Variants in NEK1 observed in about 807,000 individuals in gnomAD.
NEK1 encodes the protein NIMA related kinase 1.
Under a neutral mutation model 182.1 loss-of-function variants are expected in NEK1, and 137 were observed. The observed-to-expected ratio is 0.75, with a 90% CI of 0.65 to 0.87. The LOEUF is 0.87. NEK1 is among the 40% of genes least tolerant of loss of function. NEK1 has a pLI of 0.00. For synonymous variants in NEK1, 513 were observed against 492.2 expected, an observed-to-expected ratio of 1.04 and a Z score of -0.56; for missense variants, 1,391 against 1,494.4, an observed-to-expected ratio of 0.93 and a Z score of 1.14.
At chr4:169,519,643 A>G (rs1304963615) in intron 19 of NEK1, among the ~76,000 whole-genome samples, 2 of 77,362 alleles carry the variant, frequency 2.6e-5, no homozygotes, top group African/African-American at 1.0e-4. Flanking sequence ...AGCGGCTGGT[A>G]CCGGTTGTTC....
intron 5 of NEK1, among the ~76,000 whole-genome samples, chr4:169,593,339 T>A (rs1768856154): frequency 6.6e-6 from 1 of 152,118 alleles, no homozygotes; most frequent in Non-Finnish European, 1.5e-5. Flanking sequence ...CTAATAAAAC[T>A]AACAGAGATA....
chr4:169,588,868 A>G (rs949622796), intron 7 of NEK1, 133 bp from the exon 8 acceptor site: 2 of 641,148 alleles, frequency 3.1e-6, no homozygotes, highest in African/African-American at 1.8e-5. Flanking sequence ...AAAAATTCCT[A>G]TCACCTAGTG....
rs2110899284 is a variant in NEK1, at chr4:169,393,005, T to C, written c.*1505A>G. On this transcript the variant is annotated 3_prime_UTR_variant, in exon 36 of 36. Coordinates refer to ENST00000507142, the MANE Select transcript of NEK1 (RefSeq NM_001199397.3). ...GATCATCCTTATTCCTGCACATATA[T>C]AACATCTTTTGAAATATGGCTAAAA... 6.6e-6 allele frequency: 1 copy of C among 152,336 alleles called. No homozygotes were observed. The highest frequency in any genetic ancestry group is 2.4e-5 in the African/African-American group (1 of 41,576). 9.4% of individuals were successfully genotyped at this position (152,336 alleles called of 1,614,324 possible).
chr4:169,532,095 G>C (rs1335134793), intron 19 of NEK1, among the ~76,000 whole-genome samples: 1 of 152,162 alleles, frequency 6.6e-6, no homozygotes, highest in Non-Finnish European at 1.5e-5. Context: ...TGATGGCGGT[G>C]AGTAGGTGAC....
intron 5 of NEK1, among the ~76,000 whole-genome samples, chr4:169,593,645 T>A (rs1267019517): frequency 1.3e-5 from 2 of 152,214 alleles, no homozygotes; most frequent in Non-Finnish European, 2.9e-5. Context: ...CTTGCTACAT[T>A]AGGGTTTGAC....
At chr4:169,528,335 C>T (rs1338388377) in intron 19 of NEK1, among the ~76,000 whole-genome samples, 1 of 152,180 alleles carries the variant, frequency 6.6e-6, no homozygotes. Context: ...CAAGAAATGT[C>T]TCTACAAATG....
intron 23 of NEK1, among the ~76,000 whole-genome samples, chr4:169,495,438 T>G (rs2149633218): frequency 6.6e-6 from 1 of 152,114 alleles, no homozygotes. Context: ...GAGACGGGGT[T>G]TCACCGTGTT....
At chr4:169,603,215 A>C (rs373201440) in intron 2 of NEK1, among the ~76,000 whole-genome samples, 6 of 152,316 alleles carry the variant, frequency 3.9e-5, no homozygotes, top group African/African-American at 1.4e-4. Context: ...GTGTCTTAAC[A>C]GAACTGTCTA....
intron 31 of NEK1, 150 bp from the exon 32 acceptor site, chr4:169,406,897 CAT>C (rs1732732514): frequency 3.2e-6 from 1 of 315,676 alleles, no homozygotes; most frequent in Non-Finnish European, 5.5e-6. Flanking sequence ...ATATATGTAA[CAT>C]ATAAAAAATA....
intron 31 of NEK1, among the ~76,000 whole-genome samples, chr4:169,409,296 C>T (rs1733216248): frequency 6.6e-6 from 1 of 152,108 alleles, no homozygotes; most frequent in South Asian, 2.1e-4. Flanking sequence ...AGGCGCCCTA[C>T]ACCACGCCCA....
chr4:169,495,627 C>G (rs1357900055), intron 23 of NEK1, among the ~76,000 whole-genome samples: 1 of 152,196 alleles, frequency 6.6e-6, no homozygotes, highest in East Asian at 1.9e-4. Context: ...ATATGGCTAG[C>G]CAGTTTTCCC....
intron 31 of NEK1, among the ~76,000 whole-genome samples, chr4:169,417,831 C>A (rs534713420): frequency 1.6e-4 from 24 of 152,288 alleles, no homozygotes; most frequent in African/African-American, 5.8e-4. Context: ...ATGAAGTAAA[C>A]CCTACCACTA....
intron 19 of NEK1, among the ~76,000 whole-genome samples, chr4:169,526,220 T>A (rs1158302957): frequency 1.3e-5 from 2 of 152,202 alleles, no homozygotes; most frequent in African/African-American, 4.8e-5. Flanking sequence ...CCAGTCACAA[T>A]GGGTCATGCA....
chr4:169,425,698 T>C (rs550788641), intron 30 of NEK1, among the ~76,000 whole-genome samples: 103 of 152,208 alleles, frequency 6.8e-4, no homozygotes, highest in African/African-American at 2.4e-3. Flanking sequence ...AAAAATTTTT[T>C]GTAGAGATGG....
chr4:169,450,289 G>A lies in NEK1; in HGVS notation c.2588-12030C>T, dbSNP rs534721338. ...TATCCAGGAGAACTTCCCCAACCTG[G>A]CAAGGCAGGCCAACATTCAAATTCA... On this transcript the variant is annotated intron_variant, in intron 27 of 35. Coordinates refer to ENST00000507142, the MANE Select transcript of NEK1 (RefSeq NM_001199397.3). 1.2e-4 allele frequency among the ~76,000 whole-genome samples: 18 copies of A among 152,240 alleles called. No individual in the cohort carries two copies. In the South Asian group the frequency reaches 3.7e-3, roughly 32 times the overall value.
intron 27 of NEK1, among the ~76,000 whole-genome samples, chr4:169,449,148 C>T (rs896458988): frequency 6.6e-6 from 1 of 152,222 alleles, no homozygotes; most frequent in Non-Finnish European, 1.5e-5. Context: ...AACAAAGCTG[C>T]CCAGAAGTTC....
intron 19 of NEK1, among the ~76,000 whole-genome samples, chr4:169,524,642 T>C (rs1183424317): frequency 1.3e-5 from 2 of 152,092 alleles, no homozygotes; most frequent in African/African-American, 4.8e-5. Context: ...GGATAATGGC[T>C]ACCTGCAGGG....
intron 27 of NEK1, among the ~76,000 whole-genome samples, chr4:169,462,830 G>A (rs901058595): frequency 6.6e-6 from 1 of 152,034 alleles, no homozygotes; most frequent in African/African-American, 2.4e-5. Context: ...ATTTCCTCCT[G>A]CCTCATGACA....
At chr4:169,548,113 C>T (rs905653820) in intron 18 of NEK1, among the ~76,000 whole-genome samples, 5 of 152,172 alleles carry the variant, frequency 3.3e-5, no homozygotes, top group African/African-American at 1.2e-4. Context: ...GTGGATTTAT[C>T]CACCTTTGGT....
Sources: allele counts gnomAD v4.1 joint callset (sites outside exome capture counted in the v4.1 genomes callset), GRCh38; gene constraint gnomAD v4.1.1; transcripts MANE v1.5; gene names NCBI Gene and HGNC (gene_info 2026-07-23, HGNC 2026-07-21).